Variants in STXBP3 observed in about 807,000 individuals in gnomAD.
STXBP3 encodes syntaxin-binding protein 3.
STXBP3 carries 41 observed loss-of-function variants against 85.7 expected under a neutral mutation model. The ratio of observed to expected loss-of-function variants is 0.48; its 90% CI spans 0.37 to 0.62. The LOEUF (loss-of-function observed/expected upper bound fraction) is 0.62. Ranked by LOEUF, STXBP3 falls within the 20% of genes least tolerant of loss-of-function variation. STXBP3 has a pLI of 0.00. For missense variants in STXBP3, 563 were observed against 703.1 expected (o/e 0.80, Z 2.25); for synonymous variants, 229 against 231.7 (o/e 0.99, Z 0.10).
chr1:108,749,762 A>G (rs538042231), intron 1 of STXBP3, among the ~76,000 whole-genome samples: 6 of 152,048 alleles, frequency 3.9e-5, no homozygotes, highest in African/African-American at 1.4e-4. Flanking sequence ...GATTCTTTTT[A>G]TTTTTTCGTC....
intron 12 of STXBP3, among the ~76,000 whole-genome samples, chr1:108,794,530 A>G (rs565828326): frequency 6.6e-6 from 1 of 152,204 alleles, no homozygotes; most frequent in Admixed American, 6.5e-5. Context: ...TGAGAACAGC[A>G]TGGGGAAAAT....
At chr1:108,763,240 A>G (rs1415952848) in intron 6 of STXBP3, among the ~76,000 whole-genome samples, 1 of 152,178 alleles carries the variant, frequency 6.6e-6, no homozygotes, top group African/African-American at 2.4e-5. Context: ...GTAGTTTCTT[A>G]TTCAATATTT....
intron 6 of STXBP3, among the ~76,000 whole-genome samples, chr1:108,763,307 C>G (rs747147919): frequency 6.6e-6 from 1 of 152,072 alleles, no homozygotes; most frequent in Non-Finnish European, 1.5e-5. Context: ...ATTGGATAAC[C>G]CCTTTTATCC....
chr1:108,754,834 C>T (rs1570746822), intron 3 of STXBP3, among the ~76,000 whole-genome samples: 1 of 152,260 alleles, frequency 6.6e-6, no homozygotes, highest in East Asian at 1.9e-4. Context: ...TTTCATAGGA[C>T]TGTATATCAT....
intron 11 of STXBP3, among the ~76,000 whole-genome samples, chr1:108,793,102 CTT>C (rs34427473): frequency 0.28 from 41,219 of 145,348 alleles, 6,695 homozygotes; most frequent in East Asian, 0.77. Flanking sequence ...TAGCTCCTTT[CTT>C]TTTAGCACTC....
At position 108,766,889 on chromosome 1, in the gene STXBP3, A is replaced by G; in HGVS notation, c.439-5776A>G. The G allele has an allele frequency of 5.9e-6, 3 of 505,042 alleles. No individual in the cohort carries two copies. The Admixed American group carries it at 6.5e-5, about 11-fold the overall frequency. 31.3% of individuals were successfully genotyped at this position (505,042 alleles called of 1,614,324 possible). ...GTCTATACTTTGTAAGAGAGCAGGT[A>G]ACTCTAGCACAAAAGAAACTGTAAT... On this transcript the variant is annotated intron_variant, in intron 6 of 18. Coordinates refer to ENST00000370008, the MANE Select transcript of STXBP3 (RefSeq NM_007269.4).
At position 108,772,893 on chromosome 1, in the gene STXBP3, A is replaced by G. The variant is rs554402113; in HGVS notation, c.593+74A>G. The G allele has an allele frequency of 6.6e-5, 88 of 1,324,270 alleles. No individual in the cohort carries two copies. The African/African-American group carries it at 1.1e-3, about 17-fold the overall frequency. 82.0% of individuals were successfully genotyped at this position (1,324,270 alleles called of 1,614,324 possible). ...TTATAGAGGTAAGTAATGTGTCTGTACCTTGGCATGTTGGTTTGCAAAATT... is the reference window on the plus strand; with the variant it reads ...TTATAGAGGTAAGTAATGTGTCTGTGCCTTGGCATGTTGGTTTGCAAAATT... On this transcript the variant is annotated intron_variant, in intron 7 of 18. Transcript: ENST00000370008.
rs1483719596 is a variant in STXBP3, at chr1:108,807,532, C to G, written c.1667C>G (p.Ser556Cys). The G allele has an allele frequency of 6.2e-7, 1 of 1,602,812 alleles. No homozygotes were observed. Among genetic ancestry groups the G allele is most frequent in the African/African-American group, 1.4e-5 (1 of 73,694 alleles). Reference sequence around the variant, plus strand: ...TATGAAGTTTCTCAGGCACATAAATCCTGTGAAGTTATTATTGGTAAGACT... The same window carrying G: ...TATGAAGTTTCTCAGGCACATAAATGCTGTGAAGTTATTATTGGTAAGACT... ...CAYEVSQAHK[S>C]CEVIIGSTHV... Residue 556 changes from serine to cysteine, a missense_variant, in exon 18 of 19, where the codon TCC becomes TGC. Ser to Cys is a moderately radical substitution (Grantham distance 112). Coordinates refer to ENST00000370008, the MANE Select transcript of STXBP3 (RefSeq NM_007269.4).
intron 2 of STXBP3, 140 bp downstream of exon 2, chr1:108,752,446 T>C: frequency 1.3e-6 from 1 of 743,574 alleles, no homozygotes; most frequent in Non-Finnish European, 2.1e-6. Context: ...TGTGGGAGGA[T>C]GTGTGTAGGT....
In STXBP3 at chr1:108,807,386, T is replaced by TA. The variant is rs758104091; in HGVS notation, c.1536-12dup. 15 of 1,592,004 alleles carry TA rather than the reference T, an allele frequency of 9.4e-6. No homozygotes were observed. Among genetic ancestry groups the TA allele is most frequent in the Middle Eastern group, 1.7e-4 (1 of 6,004 alleles). ...TATAACATGTTTACTTTTTTTTTTT[T>TA]AAATTACTTTTTAGTGCTCGCCAGA... On this transcript the variant is annotated splice_polypyrimidine_tract_variant and intron_variant, in intron 17 of 18. Coordinates refer to ENST00000370008, the MANE Select transcript of STXBP3 (RefSeq NM_007269.4).
At chr1:108,780,498 C>T (rs890751376) in intron 9 of STXBP3, 5 of 150,406 alleles carry the variant, frequency 3.3e-5, no homozygotes, top group Non-Finnish European at 7.4e-5. Flanking sequence ...AAGTAAAGCT[C>T]CCTGTGGTTT....
chr1:108,808,850 TAA>T lies in STXBP3; in HGVS notation c.1754_1755del (p.Lys585SerfsTer5), dbSNP rs746381996. 6 of 1,611,620 alleles carry T rather than the reference TAA, an allele frequency of 3.7e-6. No homozygotes were observed. The highest frequency in any genetic ancestry group is 5.1e-6 in the Non-Finnish European group (6 of 1,179,116). On this transcript the variant is annotated frameshift_variant, in exon 19 of 19. Transcript: ENST00000370008. LOFTEE classifies it high-confidence loss of function. Reference protein sequence around the residue: ...DIKMLNKPKDKVSLIKDE With the variant: ...DIKMLNKPKDXVSLIKDE ...TAAAGATGCTGAATAAACCCAAGGA[TAA>T]AGTCTCCTTAATTAAAGATGAATAG...
intron 11 of STXBP3, among the ~76,000 whole-genome samples, chr1:108,792,672 A>G (rs1012221014): frequency 2.6e-4 from 39 of 152,072 alleles, no homozygotes; most frequent in African/African-American, 9.2e-4. Context: ...TGTTTCACCT[A>G]TTAATGTTTT....
At chr1:108,747,527 C>T (rs544841694) in intron 1 of STXBP3, among the ~76,000 whole-genome samples, 7 of 152,282 alleles carry the variant, frequency 4.6e-5, no homozygotes, top group Admixed American at 2.6e-4. Context: ...AAACATCGCT[C>T]CAAACCTAGG....
chr1:108,755,262 A>G (rs1393517568), intron 3 of STXBP3, among the ~76,000 whole-genome samples: 1 of 152,074 alleles, frequency 6.6e-6, no homozygotes, highest in Non-Finnish European at 1.5e-5. Flanking sequence ...CCTGGGCAAT[A>G]TAGTGAGACT....
intron 11 of STXBP3, among the ~76,000 whole-genome samples, chr1:108,792,696 T>C (rs1663003031): frequency 6.6e-6 from 1 of 152,168 alleles, no homozygotes; most frequent in Non-Finnish European, 1.5e-5. Context: ...GTGCTAGACA[T>C]GGTGGATGAT....
intron 11 of STXBP3, among the ~76,000 whole-genome samples, chr1:108,783,034 T>C (rs1662748676): frequency 6.6e-6 from 1 of 152,194 alleles, no homozygotes; most frequent in Admixed American, 6.5e-5. Flanking sequence ...GGATTACTGG[T>C]GTGCACCACC....
intron 7 of STXBP3, 138 bp from the exon 8 acceptor site, chr1:108,776,194 CT>C: frequency 2.1e-6 from 1 of 485,310 alleles, no homozygotes; most frequent in South Asian, 4.9e-5. Context: ...ATTATCTGAA[CT>C]TTTACATGTT....
At position 108,756,684 on chromosome 1, in the gene STXBP3, TGTTA is replaced by T; in HGVS notation, c.182-2_183del. The T allele has an allele frequency of 6.6e-7, 1 of 1,524,176 alleles. No homozygotes were observed. The highest frequency in any genetic ancestry group is 8.8e-7 in the Non-Finnish European group (1 of 1,133,900). 94.4% of individuals were successfully genotyped at this position (1,524,176 alleles called of 1,614,324 possible). Reference sequence around the variant, plus strand: ...GGTTATATAAAATGACCTTTTTTCTTGTTAGTTGTAGAGAATATTTATAAGAACC... The same window carrying T: ...GGTTATATAAAATGACCTTTTTTCTTGTTGTAGAGAATATTTATAAGAACC... On this transcript the variant is annotated splice_acceptor_variant and splice_polypyrimidine_tract_variant and intron_variant, in intron 3 of 18. Transcript: ENST00000370008. LOFTEE classifies it high-confidence loss of function.
Sources: allele counts gnomAD v4.1 joint callset (sites outside exome capture counted in the v4.1 genomes callset), GRCh38; gene constraint gnomAD v4.1.1; transcripts MANE v1.5; gene names NCBI Gene and HGNC (gene_info 2026-07-23, HGNC 2026-07-21).